The following SAE1 variants were observed in gnomAD, a reference collection of about 807,000 sequenced individuals.
SAE1 encodes the protein SUMO-activating enzyme subunit 1.
Under a neutral mutation model 40.6 loss-of-function variants are expected in SAE1, and 11 were observed. The ratio of observed to expected loss-of-function variants is 0.27; its 90% CI spans 0.17 to 0.45. The LOEUF (loss-of-function observed/expected upper bound fraction) is 0.45. SAE1 is among the 20% of genes least tolerant of loss of function. The probability of loss-of-function intolerance (pLI) is 1.00; values close to 1 mark genes in which losing one functional copy is unlikely to be tolerated. For missense variants in SAE1, 373 were observed against 427.3 expected (o/e 0.87, Z 1.12); for synonymous variants, 155 against 154.3 (o/e 1.00, Z -0.03).
intron 6 of SAE1, among the ~76,000 whole-genome samples, chr19:47,186,251 T>A (rs201543966): frequency 4.7e-5 from 7 of 148,848 alleles, no homozygotes; most frequent in Admixed American, 2.0e-4. Flanking sequence ...AAAATAAAAA[T>A]AAAAAAAAAA....
chr19:47,177,073 A>G (rs2058473753), intron 6 of SAE1, among the ~76,000 whole-genome samples: 1 of 152,232 alleles, frequency 6.6e-6, no homozygotes, highest in African/African-American at 2.4e-5. Context: ...AATACTTATC[A>G]GAGAATTCTT....
rs774945306 is a variant in SAE1 at position 47,209,237 on chromosome 19, C to G, written c.1027C>G (p.Leu343Val). ...GAAGGGGAATGGGATTGTGGAGTGC[C>G]TTGGCCCCAAGTGAACTCAAGATTT... ...GMKGNGIVECLGPK is the reference protein window; with the variant it reads ...GMKGNGIVECVGPK The change falls in exon 9 of 9, where the codon CTT becomes GTT. Residue 343 changes from leucine to valine, a missense_variant. By Grantham distance (32) the Leu-to-Val change is conservative (BLOSUM62 1). Around this residue, in one of 3 missense-constraint regions of SAE1, gnomAD observed 351 missense variants for 390.6 expected, o/e 0.90. Coordinates refer to ENST00000270225, the MANE Select transcript of SAE1 (RefSeq NM_005500.3). 6.8e-6 allele frequency: 11 copies of G among 1,614,004 alleles called. No homozygotes were observed. In the African/African-American group the frequency reaches 1.3e-4, roughly 20 times the overall value.
At chr19:47,142,662 TC>T (rs2058229263) in intron 1 of SAE1, 1 of 152,226 alleles carries the variant, frequency 6.6e-6, no homozygotes, top group Non-Finnish European at 1.5e-5. Context: ...AGCCTCTCTG[TC>T]ATTCCTGTCC....
chr19:47,192,532 C>T (rs1048095535), intron 6 of SAE1, among the ~76,000 whole-genome samples: 28 of 152,052 alleles, frequency 1.8e-4, no homozygotes, highest in Admixed American at 1.8e-3. Flanking sequence ...CAGGCATCAG[C>T]CACCATGCCC....
At chr19:47,142,682 T>C (rs2058229382) in intron 1 of SAE1, 1 of 152,256 alleles carries the variant, frequency 6.6e-6, no homozygotes, top group Non-Finnish European at 1.5e-5. Context: ...CCCTAGAACA[T>C]GCCAAGCACT....
intron 5 of SAE1, among the ~76,000 whole-genome samples, chr19:47,156,540 A>G (rs1389242603): frequency 6.6e-6 from 1 of 151,926 alleles, no homozygotes; most frequent in East Asian, 1.9e-4. Flanking sequence ...AATAAGAAAA[A>G]TCCTTCAATG....
chr19:47,209,044 G>A, intron 8 of SAE1, 115 bp from the exon 9 acceptor site: 1 of 918,452 alleles, frequency 1.1e-6, no homozygotes, highest in South Asian at 1.7e-5. Flanking sequence ...AGCCCTTTGG[G>A]AGCAAAATCG....
intron 5 of SAE1, among the ~76,000 whole-genome samples, chr19:47,155,825 C>G (rs1399280114): frequency 6.7e-6 from 1 of 149,646 alleles, no homozygotes; most frequent in Non-Finnish European, 1.5e-5. Flanking sequence ...ACTGCAACCT[C>G]CACGTCCCAG....
chr19:47,150,338 A>G lies in SAE1; in HGVS notation c.347A>G (p.Glu116Gly). The G allele has an allele frequency of 1.2e-6, 2 of 1,604,566 alleles. No individual in the cohort carries two copies. Among genetic ancestry groups the G allele is most frequent in the South Asian group, 1.1e-5 (1 of 88,672 alleles). The change falls in exon 3 of 9, where the codon GAG (glutamate) becomes GGG (glycine). Residue 116 changes from glutamate to glycine, a missense_variant. Glu to Gly is a moderately conservative substitution (Grantham distance 98, BLOSUM62 -2). Around this residue, in one of 3 missense-constraint regions of SAE1, gnomAD observed 351 missense variants for 390.6 expected, o/e 0.90. Transcript: ENST00000270225. ...VDVKVDTEDI[E>G]KKPESFFTQF... ...GTGAAGGTGGACACTGAGGATATAG[A>G]GAAGAAACCAGAGTCATTTTTCACT...
rs114696011 is a variant in SAE1, at chr19:47,188,210, G to C, written c.734-9023G>C. ...CAAAAAATAAAAAATGAACCACCAG[G>C]CATGGTGGTGCATGCCTGTAGTCCC... is the stretch of plus-strand genomic sequence containing the variant. On this transcript the variant is annotated intron_variant, in intron 6 of 8. Coordinates refer to ENST00000270225, the MANE Select transcript of SAE1 (RefSeq NM_005500.3). 3.7e-3 allele frequency among the ~76,000 whole-genome samples: 563 copies of C among 152,142 alleles called. 5 individuals are homozygous for C. The highest frequency in any genetic ancestry group is 0.013 in the African/African-American group (536 of 41,508).
Position 47,209,673 on chromosome 19 carries a change from A to G in SAE1, c.*422A>G. 1.1e-5 allele frequency: 2 copies of G among 189,780 alleles called. No individual in the cohort carries two copies. Among genetic ancestry groups the G allele is most frequent in the South Asian group, 3.0e-4 (2 of 6,568 alleles). The allele number at this position is 189,780 out of a possible 1,614,324, so 11.8% of individuals were successfully genotyped here. A position where few individuals can be genotyped will look rare whatever the true frequency, so the allele number is the denominator to read the frequency against. On this transcript the variant is annotated 3_prime_UTR_variant, in exon 9 of 9. Transcript: ENST00000270225. ...TTCTTGGACTTATTCCCCACCTGAT[A>G]CCTTATAGAGAAAAGTGTGAATTCA...
At chr19:47,147,841 C>A (rs1442821961) in intron 2 of SAE1, among the ~76,000 whole-genome samples, 1 of 151,454 alleles carries the variant, frequency 6.6e-6, no homozygotes, top group Non-Finnish European at 1.5e-5. Context: ...TCACTGCAAG[C>A]TCTGCCTCCC....
At chr19:47,202,514 T>C (rs1194062185) in intron 7 of SAE1, among the ~76,000 whole-genome samples, 5 of 150,822 alleles carry the variant, frequency 3.3e-5, no homozygotes, top group Non-Finnish European at 7.4e-5. Context: ...TCTCGATCTC[T>C]TGACTTTGTG....
chr19:47,149,935 TGTG>T lies in SAE1; in HGVS notation c.211-260_211-258del, dbSNP rs201254236. ...TACTAAAAATACAAAAATTAGCTGT[TGTG>T]GTGGTGCGTGCTTGTAGTCCCAGCT... On this transcript the variant is annotated intron_variant, in intron 2 of 8. Coordinates refer to ENST00000270225, the MANE Select transcript of SAE1 (RefSeq NM_005500.3). 4.2e-3 allele frequency among the ~76,000 whole-genome samples: 642 copies of T among 151,554 alleles called. 6 individuals are homozygous for T. Among genetic ancestry groups the T allele is most frequent in the African/African-American group, 0.015 (608 of 41,338 alleles).
chr19:47,150,564 C>G (rs1388192948), intron 3 of SAE1, among the ~76,000 whole-genome samples, 189 bp downstream of exon 3: 1 of 152,114 alleles, frequency 6.6e-6, no homozygotes, highest in Non-Finnish European at 1.5e-5. Context: ...CTAGAGAGGT[C>G]CAGTCTGTTG....
intron 3 of SAE1, among the ~76,000 whole-genome samples, chr19:47,151,582 TGCCTCAGCCTCCC>T (rs1399772623): frequency 2.0e-5 from 3 of 152,310 alleles, no homozygotes; most frequent in Non-Finnish European, 4.4e-5. Flanking sequence ...AGCAGTTTTC[TGCCTCAGCCTCCC>T]GTTTTTACAC....
chr19:47,167,798 T>C (rs1600178312), intron 5 of SAE1, among the ~76,000 whole-genome samples: 1 of 151,974 alleles, frequency 6.6e-6, no homozygotes, highest in Non-Finnish European at 1.5e-5. Flanking sequence ...ACAGAGTCTA[T>C]ACCACGCCTG....
At chr19:47,141,249 G>A (rs552189998) in intron 1 of SAE1, among the ~76,000 whole-genome samples, 2 of 152,186 alleles carry the variant, frequency 1.3e-5, no homozygotes, top group East Asian at 1.9e-4. Flanking sequence ...TGATCTGCCC[G>A]CCTTGGCCTC....
At chr19:47,142,278 G>A (rs2058226913) in intron 1 of SAE1, among the ~76,000 whole-genome samples, 1 of 151,938 alleles carries the variant, frequency 6.6e-6, no homozygotes, top group Non-Finnish European at 1.5e-5. Flanking sequence ...CAGCTACTCG[G>A]GAGGCTGAGG....
Sources: gnomAD v4.1 joint callset for allele counts (sites outside exome capture counted in the v4.1 genomes callset) on GRCh38, gnomAD v4.1.1 for gene constraint, gnomAD v4.1.1 regional missense constraint, MANE v1.5 for transcripts, NCBI Gene and HGNC (gene_info 2026-07-23, HGNC 2026-07-21) for gene names.